The following FYB1 variants were observed in gnomAD, a reference collection of about 807,000 sequenced individuals.
The protein encoded by FYB1 is FYN binding protein 1.
A neutral mutation model predicts 94.1 loss-of-function variants in FYB1; 41 were observed. The ratio of observed to expected loss-of-function variants is 0.44; its 90% CI spans 0.34 to 0.57. The LOEUF (loss-of-function observed/expected upper bound fraction) is 0.57, where lower values mean the gene tolerates loss of function less well. Ranked by LOEUF, FYB1 falls within the 20% of genes least tolerant of loss-of-function variation. The pLI, the probability that FYB1 is intolerant of heterozygous loss-of-function variation, is 0.02. For missense variants in FYB1, 1,050 were observed against 976.8 expected, an observed-to-expected ratio of 1.07 and a Z score of -1.00; for synonymous variants, 367 against 353.2, an observed-to-expected ratio of 1.04 and a Z score of -0.44.
chr5:39,235,713 A>G (rs1291493470), intron 1 of FYB1, among the ~76,000 whole-genome samples: 1 of 152,054 alleles, frequency 6.6e-6, no homozygotes, highest in Non-Finnish European at 1.5e-5. Flanking sequence ...TAAATGATGA[A>G]TGAAACCTGT....
intron 16 of FYB1, among the ~76,000 whole-genome samples, chr5:39,117,059 C>T (rs985494471): frequency 6.6e-6 from 1 of 152,056 alleles, no homozygotes; most frequent in African/African-American, 2.4e-5. Flanking sequence ...TGTATGACAA[C>T]TACTAGGACA....
chr5:39,170,481 C>A, intron 2 of FYB1: 1 of 337,760 alleles, frequency 3.0e-6, no homozygotes, highest in Non-Finnish European at 5.5e-6. Context: ...TTCTGATTCC[C>A]TACATCCAAT....
intron 1 of FYB1, among the ~76,000 whole-genome samples, chr5:39,259,174 G>C (rs1405992807): frequency 6.6e-6 from 1 of 152,184 alleles, no homozygotes; most frequent in Non-Finnish European, 1.5e-5. Context: ...GTAGAGACCA[G>C]AGATGCTACT....
rs1001597674 is a variant in FYB1 at position 39,202,893 on chromosome 5, A to C, written c.68T>G (p.Val23Gly). 1.2e-6 allele frequency: 2 copies of C among 1,613,436 alleles called. No individual in the cohort carries two copies. The highest frequency in any genetic ancestry group is 1.7e-4 in the Middle Eastern group (1 of 6,054). The change falls in exon 2 of 19, where the codon GTC becomes GGC. Residue 23 changes from valine to glycine, a missense_variant. Val to Gly is a moderately radical substitution (Grantham distance 109). Coordinates refer to ENST00000512982, the MANE Select transcript of FYB1 (RefSeq NM_001465.6). Reference protein sequence around the residue: ...DVSVNSRPFRVTGPNSSSGIQ... With the variant: ...DVSVNSRPFRGTGPNSSSGIQ... ...TCCTGAAGATGAGTTTGGCCCTGTG[A>C]CTCTGAAGGGTCGGCTATTGACTGA... is the stretch of plus-strand genomic sequence containing the variant.
chr5:39,252,893 T>C lies in FYB1; in HGVS notation c.-28+21510A>G, dbSNP rs373694693. Among the ~76,000 whole-genome samples, 4 of 152,206 alleles carry C rather than the reference T, an allele frequency of 2.6e-5. No homozygotes were observed. In the South Asian group the frequency reaches 8.3e-4, roughly 31 times the overall value. The stretch of plus-strand genomic sequence containing the variant: ...CAGGGTTGCTGCAAGAATTCAATGA[T>C]TTGACATTTTAAAAATACTTACAAC... On this transcript the variant is annotated intron_variant, in intron 1 of 1. Transcript: ENST00000510188.
intron 2 of FYB1, chr5:39,170,146 G>T (rs969881872): frequency 6.4e-6 from 5 of 779,928 alleles, no homozygotes; most frequent in Non-Finnish European, 9.2e-6. Flanking sequence ...AGTATAAGTA[G>T]CTACAGGTCA....
intron 1 of FYB1, among the ~76,000 whole-genome samples, chr5:39,247,108 A>G (rs1751514476): frequency 7.2e-6 from 1 of 139,322 alleles, no homozygotes; most frequent in African/African-American, 2.7e-5. Flanking sequence ...ATATATATAT[A>G]TATATATGAC....
At chr5:39,194,731 C>G (rs1747677002) in intron 2 of FYB1, among the ~76,000 whole-genome samples, 1 of 152,044 alleles carries the variant, frequency 6.6e-6, no homozygotes. Context: ...AAAATTTGAC[C>G]AGGGACAGTG....
intron 1 of FYB1, among the ~76,000 whole-genome samples, chr5:39,208,405 A>G (rs1185230545): frequency 6.6e-6 from 1 of 152,164 alleles, no homozygotes; most frequent in Admixed American, 6.5e-5. Context: ...AAAATAGTTT[A>G]CCCAAATCGG....
At position 39,127,780 on chromosome 5, in the gene FYB1, T is replaced by A. The variant is rs746020807; in HGVS notation, c.1868A>T (p.Asp623Val). The A allele has an allele frequency of 2.5e-6, 4 of 1,604,408 alleles. No individual in the cohort carries two copies. In the East Asian group the frequency reaches 9.0e-5, roughly 36 times the overall value. Residue 623 changes from aspartate to valine, a missense_variant, in exon 11 of 19, where the codon GAC becomes GTC. Asp to Val is a radical substitution (Grantham distance 152). Transcript: ENST00000512982. ...GGIFPPPPDD[D>V]IYDGIEEEDA... ...TTCCTCTTCAATCCCATCATAAATG[T>A]CATCATCTGGTGGTGGAGGGAATAT...
At chr5:39,178,070 C>A (rs1266354061) in intron 2 of FYB1, among the ~76,000 whole-genome samples, 1 of 152,146 alleles carries the variant, frequency 6.6e-6, no homozygotes, top group Non-Finnish European at 1.5e-5. Flanking sequence ...GCAGCATTTC[C>A]CCCAAAGTTA....
chr5:39,228,019 A>G (rs774302951), intron 1 of FYB1, among the ~76,000 whole-genome samples: 2 of 152,202 alleles, frequency 1.3e-5, no homozygotes, highest in African/African-American at 2.4e-5. Flanking sequence ...TGACACACAT[A>G]TAAAGCCCAG....
intron 16 of FYB1, among the ~76,000 whole-genome samples, chr5:39,117,620 C>T (rs750896583): frequency 1.3e-5 from 2 of 152,138 alleles, no homozygotes; most frequent in Non-Finnish European, 2.9e-5. Context: ...ATAAACTTTA[C>T]ATCCATTTCC....
rs187080537 is a variant in FYB1, at chr5:39,261,610, G to A, written c.-28+12793C>T. ...AAAAGGACAAAGATTAGCCAAGTGT[G>A]GTGGTGCGTGCCTGTAATCCCAGCT... On this transcript the variant is annotated intron_variant, in intron 1 of 1. Transcript: ENST00000510188. 5.3e-3 allele frequency among the ~76,000 whole-genome samples: 811 copies of A among 152,216 alleles called. 6 individuals carry two copies. The highest frequency in any genetic ancestry group is 0.018 in the African/African-American group (734 of 41,526).
intron 2 of FYB1, among the ~76,000 whole-genome samples, chr5:39,161,550 A>T (rs1295788070): frequency 2.0e-5 from 3 of 151,984 alleles, no homozygotes; most frequent in Non-Finnish European, 4.4e-5. Context: ...ACTTAATTTT[A>T]AAAAGATGTT....
At chr5:39,237,415 A>T (rs1751013696) in intron 1 of FYB1, among the ~76,000 whole-genome samples, 1 of 152,082 alleles carries the variant, frequency 6.6e-6, no homozygotes, top group Non-Finnish European at 1.5e-5. Context: ...GTTATAAATG[A>T]GTTGAGATTG....
At chr5:39,260,852 C>T (rs115153865) in intron 1 of FYB1, among the ~76,000 whole-genome samples, 379 of 152,128 alleles carry the variant, frequency 2.5e-3, no homozygotes, top group Middle Eastern at 0.01. Context: ...CTCATAAATT[C>T]TGCCCTGTTT....
intron 3 of FYB1, among the ~76,000 whole-genome samples, chr5:39,144,005 G>A (rs1230383679): frequency 6.6e-6 from 1 of 152,180 alleles, no homozygotes; most frequent in Non-Finnish European, 1.5e-5. Flanking sequence ...ATACAGACAT[G>A]ATGGAATAAG....
At position 39,203,004 on chromosome 5, in the gene FYB1, CA is replaced by C; in HGVS notation, c.-27-18del. 6.2e-7 allele frequency: 1 copy of C among 1,601,272 alleles called. No individual in the cohort carries two copies. The highest frequency in any genetic ancestry group is 8.5e-7 in the Non-Finnish European group (1 of 1,173,410). On this transcript the variant is annotated intron_variant, in intron 1 of 18. Transcript: ENST00000512982. ...CTTTCCATCCTACAAACATAGGGAA[CA>C]AAAAATAGCTGAGAGACAAAAGTCT...
Sources: allele counts gnomAD v4.1 joint callset (sites outside exome capture counted in the v4.1 genomes callset), GRCh38; gene constraint gnomAD v4.1.1; transcripts MANE v1.5; gene names NCBI Gene and HGNC (gene_info 2026-07-23, HGNC 2026-07-21).